The following HORMAD2 variants were observed in gnomAD, a reference collection of about 807,000 sequenced individuals.
HORMAD2 encodes the protein HORMA domain-containing protein 2.
A neutral mutation model predicts 38.8 loss-of-function variants in HORMAD2; 45 were observed. The observed-to-expected ratio is 1.16, with a 90% CI of 0.91 to 1.49. The LOEUF (loss-of-function observed/expected upper bound fraction) is 1.49, where lower values mean the gene tolerates loss of function less well. HORMAD2 is among the 40% of genes most tolerant of loss of function. The pLI is 0.00. For missense variants in HORMAD2, 338 were observed against 367.0 expected, an observed-to-expected ratio of 0.92 and a Z score of 0.65; for synonymous variants, 126 against 122.8, an observed-to-expected ratio of 1.03 and a Z score of -0.17.
intron 10 of HORMAD2, among the ~76,000 whole-genome samples, chr22:30,145,421 A>G (rs1212271675): frequency 6.6e-6 from 1 of 152,222 alleles, no homozygotes; most frequent in Non-Finnish European, 1.5e-5. Context: ...TCAATAAAAT[A>G]AAAGGGGAAA....
At chr22:30,152,624 C>T (rs990955370) in intron 10 of HORMAD2, among the ~76,000 whole-genome samples, 7 of 152,200 alleles carry the variant, frequency 4.6e-5, no homozygotes, top group Admixed American at 3.9e-4. Flanking sequence ...AACCATCACA[C>T]CCAACCTTGA....
At chr22:30,079,599 C>T (rs1243903714), upstream of HORMAD2, among the ~76,000 whole-genome samples, 1 of 151,662 alleles carries the variant, frequency 6.6e-6, no homozygotes, top group Non-Finnish European at 1.5e-5. Context: ...TCAAACTCCC[C>T]GGCTCAAGCG....
intron 10 of HORMAD2, chr22:30,137,267 C>A (rs1201695284): frequency 1.6e-5 from 9 of 556,988 alleles, no homozygotes; most frequent in Non-Finnish European, 3.0e-5. Context: ...ACTTCAAACA[C>A]ATGACCCTTG....
At chr22:30,113,358 G>T (rs777783122) in intron 7 of HORMAD2, among the ~76,000 whole-genome samples, 7 of 151,646 alleles carry the variant, frequency 4.6e-5, no homozygotes, top group Non-Finnish European at 1.0e-4. Flanking sequence ...GGGACTACTG[G>T]CATGCACCAC....
Position 30,093,980 on chromosome 22 carries a change from A to G in HORMAD2, c.28A>G (p.Ile10Val), listed in dbSNP as rs1187952154. The G allele has an allele frequency of 1.9e-6, 3 of 1,608,366 alleles. No individual in the cohort carries two copies. The highest frequency in any genetic ancestry group is 1.7e-5 in the Admixed American group (1 of 59,492). The change falls in exon 2 of 11, where the codon ATC (isoleucine) becomes GTC (valine). Residue 10 changes from isoleucine (I) to valine (V), a missense_variant. Physicochemically the swap from Ile to Val is conservative, Grantham distance 29. Transcript: ENST00000336726. ...GGCCACTGCTCAGCTTTCTCACTGC[A>G]TCACAATACACAAGGCTTCTAAGGT... is the stretch of plus-strand genomic sequence containing the variant. MATAQLSHC[I>V]TIHKASKETV...
intron 10 of HORMAD2, among the ~76,000 whole-genome samples, chr22:30,138,897 A>C (rs183889331): frequency 2.9e-4 from 44 of 152,290 alleles, no homozygotes; most frequent in African/African-American, 1.0e-3. Flanking sequence ...GTGCTACTGG[A>C]TGAAATTAAC....
the HORMAD2 span, among the ~76,000 whole-genome samples, chr22:30,186,410 C>A: frequency 1.3e-5 from 2 of 149,974 alleles, no homozygotes; most frequent in Non-Finnish European, 3.0e-5. Context: ...TGGGCTACAC[C>A]TCATCAACAT....
chr22:30,156,372 T>C (rs1925073756), intron 10 of HORMAD2, among the ~76,000 whole-genome samples: 1 of 152,228 alleles, frequency 6.6e-6, no homozygotes. Context: ...TTAAATACTG[T>C]AGCAATCAGT....
chr22:30,143,458 G>GT (rs200453013), intron 10 of HORMAD2, among the ~76,000 whole-genome samples: 62 of 151,242 alleles, frequency 4.1e-4, no homozygotes, highest in South Asian at 3.1e-3. Flanking sequence ...TTGGCTGACA[G>GT]TTTTTTTTTC....
intron 1 of HORMAD2, among the ~76,000 whole-genome samples, chr22:30,084,211 C>G (rs935225112): frequency 2.6e-5 from 4 of 152,182 alleles, no homozygotes; most frequent in African/African-American, 7.2e-5. Flanking sequence ...ATTCTGGAGG[C>G]TGGGAAGTCC....
chr22:30,095,073 A>C (rs1220629703), intron 2 of HORMAD2, among the ~76,000 whole-genome samples: 1 of 152,202 alleles, frequency 6.6e-6, no homozygotes, highest in Non-Finnish European at 1.5e-5. Flanking sequence ...CCCTGAAGCC[A>C]GTAATCCAAT....
At chr22:30,126,757 T>C (rs1696910533) in intron 10 of HORMAD2, among the ~76,000 whole-genome samples, 1 of 152,214 alleles carries the variant, frequency 6.6e-6, no homozygotes, top group African/African-American at 2.4e-5. Flanking sequence ...TAACAGATAG[T>C]GCAAAATAGT....
intron 6 of HORMAD2, 29 bp downstream of exon 6, chr22:30,111,845 C>T: frequency 6.5e-7 from 1 of 1,543,256 alleles, no homozygotes; most frequent in Non-Finnish European, 8.8e-7. Context: ...AAAGACCAAG[C>T]CTCTGTCTCT....
At chr22:30,153,834 T>G (rs1395761157) in intron 10 of HORMAD2, among the ~76,000 whole-genome samples, 1 of 152,216 alleles carries the variant, frequency 6.6e-6, no homozygotes, top group African/African-American at 2.4e-5. Flanking sequence ...CTATATCCAG[T>G]CCATCAGTGA....
chr22:30,188,857 C>T, the HORMAD2 span, among the ~76,000 whole-genome samples: 2 of 152,054 alleles, frequency 1.3e-5, no homozygotes, highest in African/African-American at 2.4e-5. Context: ...AAATTTGGGC[C>T]GGGTGCGGTG....
chr22:30,091,545 C>T (rs1219324180), intron 1 of HORMAD2, among the ~76,000 whole-genome samples: 2 of 152,030 alleles, frequency 1.3e-5, no homozygotes, highest in Non-Finnish European at 2.9e-5. Context: ...GGATTACAGA[C>T]ATGAGCTGCC....
At position 30,121,703 on chromosome 22, in the gene HORMAD2, T is replaced by G; in HGVS notation, c.482T>G (p.Ile161Ser). ...EDIKKASVLL[I>S]RKLYILMQDL... ...ATTAAGAAAGCCAGTGTTCTACTGA[T>G]CCGTAAATTGTATATACTGATGCAG... Residue 161 changes from isoleucine (I) to serine (S), a missense_variant, in exon 9 of 11, where the codon ATC becomes AGC. Transcript: ENST00000336726. The G allele has an allele frequency of 6.2e-7, 1 of 1,610,786 alleles. No homozygotes were observed. Among genetic ancestry groups the G allele is most frequent in the Non-Finnish European group, 8.5e-7 (1 of 1,178,346 alleles).
the HORMAD2 span, among the ~76,000 whole-genome samples, chr22:30,190,094 T>A: frequency 1.3e-5 from 2 of 152,148 alleles, no homozygotes; most frequent in Non-Finnish European, 2.9e-5. Context: ...TGGGCTTGGG[T>A]GAGCAATTCA....
the HORMAD2 span, among the ~76,000 whole-genome samples, chr22:30,190,067 A>G: frequency 6.6e-6 from 1 of 152,132 alleles, no homozygotes; most frequent in Non-Finnish European, 1.5e-5. Context: ...TCCTCTCAGG[A>G]CCACTTATTA....
Sources: allele counts gnomAD v4.1 joint callset (sites outside exome capture counted in the v4.1 genomes callset), GRCh38; gene constraint gnomAD v4.1.1; transcripts MANE v1.5; gene names NCBI Gene and HGNC (gene_info 2026-07-23, HGNC 2026-07-21).